ADGRL2: variants seen among roughly 807,000 people sequenced by gnomAD.
ADGRL2 encodes the protein adhesion G protein-coupled receptor L2.
In ADGRL2, 44 loss-of-function variants were observed where a neutral mutation model predicts 157.4. That is an observed-to-expected ratio of 0.28 (90% CI 0.22 to 0.36). The LOEUF (loss-of-function observed/expected upper bound fraction) is 0.36, where lower values mean the gene tolerates loss of function less well. Ranked by LOEUF, ADGRL2 falls within the 10% of genes least tolerant of loss-of-function variation. ADGRL2 has a pLI of 1.00. For missense variants in ADGRL2, 1,510 were observed against 1,768.9 expected, an observed-to-expected ratio of 0.85 and a Z score of 2.63; for synonymous variants, 585 against 624.7, an observed-to-expected ratio of 0.94 and a Z score of 0.95.
chr1:81,545,530 C>T (rs1033785452), intron 2 of ADGRL2, among the ~76,000 whole-genome samples: 4 of 152,036 alleles, frequency 2.6e-5, no homozygotes, highest in Admixed American at 2.0e-4. Flanking sequence ...ATCTGCCCGC[C>T]TCGCCTCCCA....
chr1:81,798,018 A>G (rs763577596), upstream of ADGRL2, among the ~76,000 whole-genome samples: 105 of 152,156 alleles, frequency 6.9e-4, no homozygotes, highest in Non-Finnish European at 1.2e-3. Flanking sequence ...TGAATAAGTC[A>G]ATGATTTTGC....
At chr1:81,449,995 C>T (rs1017310699) in intron 2 of ADGRL2, among the ~76,000 whole-genome samples, 15 of 152,114 alleles carry the variant, frequency 9.9e-5, no homozygotes, top group East Asian at 1.9e-4. Context: ...TTATCAAGCA[C>T]GAGCATTCCA....
intron 3 of ADGRL2, among the ~76,000 whole-genome samples, chr1:81,909,699 C>A (rs1312314261): frequency 6.6e-6 from 1 of 150,992 alleles, no homozygotes; most frequent in East Asian, 1.9e-4. Flanking sequence ...AGGTTCTATT[C>A]TTTCTAGTTC....
intron 1 of ADGRL2, among the ~76,000 whole-genome samples, chr1:81,390,453 A>G (rs1255624745): frequency 4.9e-3 from 750 of 151,934 alleles, no homozygotes; most frequent in African/African-American, 0.017. Flanking sequence ...ATGGATAGAG[A>G]AAGAGATGTA....
intron 2 of ADGRL2, among the ~76,000 whole-genome samples, chr1:81,455,760 C>G (rs937496550): frequency 1.3e-5 from 2 of 152,132 alleles, no homozygotes; most frequent in African/African-American, 2.4e-5. Flanking sequence ...ATTGTAGATA[C>G]AGCATCAAGC....
At chr1:81,393,851 TC>T (rs2076605028) in intron 1 of ADGRL2, among the ~76,000 whole-genome samples, 1 of 151,326 alleles carries the variant, frequency 6.6e-6, no homozygotes, top group African/African-American at 2.4e-5. Context: ...TTTGCTTTTT[TC>T]TCCCAGAATG....
At chr1:81,884,147 A>G (rs1164982460) in intron 2 of ADGRL2, among the ~76,000 whole-genome samples, 1 of 151,944 alleles carries the variant, frequency 6.6e-6, no homozygotes, top group Non-Finnish European at 1.5e-5. Context: ...GACAACTCCC[A>G]ACTAACTTTT....
intron 1 of ADGRL2, among the ~76,000 whole-genome samples, chr1:81,736,002 G>A (rs1326392965): frequency 6.6e-6 from 1 of 151,592 alleles, no homozygotes; most frequent in African/African-American, 2.4e-5. Context: ...AATTAGCCAG[G>A]CATGGTGGCA....
chr1:81,334,773 C>A (rs1661516327), intron 1 of ADGRL2, among the ~76,000 whole-genome samples: 1 of 152,174 alleles, frequency 6.6e-6, no homozygotes, highest in South Asian at 2.1e-4. Flanking sequence ...TGCCTGAAGT[C>A]ATTATCACAC....
At chr1:81,594,058 A>T (rs1175781627) in intron 3 of ADGRL2, among the ~76,000 whole-genome samples, 3 of 152,214 alleles carry the variant, frequency 2.0e-5, no homozygotes, top group African/African-American at 7.2e-5. Context: ...CTGGCTCAGG[A>T]GAGTATAAGC....
At chr1:81,683,961 C>G (rs917722908) in intron 3 of ADGRL2, among the ~76,000 whole-genome samples, 3 of 151,950 alleles carry the variant, frequency 2.0e-5, no homozygotes, top group Admixed American at 6.6e-5. Context: ...GGATTACAGG[C>G]GCACGCCACC....
intron 3 of ADGRL2, among the ~76,000 whole-genome samples, chr1:81,610,229 G>GTT (rs10657640): frequency 0.23 from 29,010 of 127,298 alleles, 4,046 homozygotes; most frequent in African/African-American, 0.35. Context: ...TGGCTTGGAG[G>GTT]TTTTTTTTTT....
Position 81,943,900 on chromosome 1 carries a change from A to G in ADGRL2, c.1210+131A>G. The G allele has an allele frequency of 1.5e-6, 1 of 689,218 alleles. No individual in the cohort carries two copies. The highest frequency in any genetic ancestry group is 2.0e-5 in the South Asian group (1 of 50,814). The allele number at this position is 689,218 out of a possible 1,614,324, so 42.7% of individuals were successfully genotyped here. A position where few individuals can be genotyped will look rare whatever the true frequency, so the allele number is the denominator to read the frequency against. ...AAAGGACAAAGGACAATGTTGTGGT[A>G]CATTTTAGCCTTATTATGGTTCGTT... On this transcript the variant is annotated intron_variant, in intron 6 of 23. Coordinates refer to ENST00000686636, the MANE Select transcript of ADGRL2 (RefSeq NM_001366006.2). The surrounding 1 kb of genome is among the most constrained non-coding windows in gnomAD (Gnocchi z 5.6).
intron 1 of ADGRL2, among the ~76,000 whole-genome samples, chr1:81,705,657 C>T (rs2083709190): frequency 6.6e-6 from 1 of 151,984 alleles, no homozygotes; most frequent in African/African-American, 2.4e-5. Context: ...TGGCTCACAC[C>T]TATAATCCCA....
At chr1:81,696,656 G>T (rs182730939), upstream of ADGRL2, among the ~76,000 whole-genome samples, 1 of 152,154 alleles carries the variant, frequency 6.6e-6, no homozygotes, top group Non-Finnish European at 1.5e-5. Context: ...GGAGGCTGAG[G>T]CAGGAGAATG....
intron 2 of ADGRL2, chr1:81,502,895 G>A: frequency 1.2e-6 from 2 of 1,613,500 alleles, no homozygotes; most frequent in Non-Finnish European, 1.7e-6. Flanking sequence ...CTTGGCTCCA[G>A]CAGTGGCACC....
chr1:81,987,912 C>A, intron 23 of ADGRL2, 26 bp downstream of exon 23: 4 of 327,954 alleles, frequency 1.2e-5, no homozygotes, highest in South Asian at 2.9e-5. Context: ...TTAACTTTGC[C>A]TATCAAATGT....
intron 2 of ADGRL2, among the ~76,000 whole-genome samples, chr1:81,473,030 T>G (rs925824424): frequency 1.3e-5 from 2 of 151,740 alleles, no homozygotes; most frequent in African/African-American, 4.8e-5. Context: ...CCCCAGTGCC[T>G]GTTATGTGAA....
intron 1 of ADGRL2, chr1:81,426,634 A>T (rs1287675935): frequency 8.4e-6 from 4 of 474,636 alleles, no homozygotes; most frequent in Non-Finnish European, 1.7e-5. Flanking sequence ...AAATGGGCAC[A>T]CTCACAGATT....
Sources: allele counts gnomAD v4.1 joint callset (sites outside exome capture counted in the v4.1 genomes callset), GRCh38; gene constraint gnomAD v4.1.1; non-coding constraint Gnocchi (gnomAD v3.1); transcripts MANE v1.5; gene names NCBI Gene and HGNC (gene_info 2026-07-23, HGNC 2026-07-21).